The following CELF5 variants were observed in gnomAD, a reference collection of about 807,000 sequenced individuals.
CELF5 encodes the protein CUGBP Elav-like family member 5.
A neutral mutation model predicts 54.9 loss-of-function variants in CELF5; 6 were observed. That is an observed-to-expected ratio of 0.11 (90% CI 0.06 to 0.22). The LOEUF is 0.22. Among genes scored for constraint, CELF5 ranks in the 10% least tolerant of loss-of-function variants. The pLI is 1.00. For synonymous variants in CELF5, 271 were observed against 290.9 expected, an observed-to-expected ratio of 0.93 and a Z score of 0.70; for missense variants, 401 against 678.6, an observed-to-expected ratio of 0.59 and a Z score of 4.54.
chr19:3,268,613 G>A lies in CELF5; in HGVS notation c.343-5259G>A, dbSNP rs569948481. On this transcript the variant is annotated intron_variant, in intron 2 of 12. Coordinates refer to ENST00000292672, the MANE Select transcript of CELF5 (RefSeq NM_021938.4). The surrounding 1 kb of genome is among the most constrained non-coding windows in gnomAD (Gnocchi z 4.4). ...TGCTTTCCGAGGAGTCTACAAACCC[G>A]TGTATCATTTCCGCTGTCATTTGTG... Among the ~76,000 whole-genome samples the A allele has an allele frequency of 1.6e-4, 25 of 152,160 alleles. No homozygotes were observed. The South Asian group carries it at 4.0e-3, about 24-fold the overall frequency.
In CELF5 at chr19:3,228,280, G is replaced by A. The variant is rs972528720; in HGVS notation, c.259+3282G>A. 2.0e-5 allele frequency among the ~76,000 whole-genome samples: 3 copies of A among 152,088 alleles called. No individual in the cohort carries two copies. Among genetic ancestry groups the A allele is most frequent in the Non-Finnish European group, 4.4e-5 (3 of 68,022 alleles). ...ACAAGCCTGCTCCTGCCAGAACTCC[G>A]CATCCAGAGAGCGGGGACCTCCCCC... On this transcript the variant is annotated intron_variant, in intron 1 of 12. Transcript: ENST00000292672. The surrounding 1 kb of genome is among the most constrained non-coding windows in gnomAD (Gnocchi z 6.0).
chr19:3,272,511 A>G (rs1009352580), intron 2 of CELF5, among the ~76,000 whole-genome samples: 1 of 152,186 alleles, frequency 6.6e-6, no homozygotes, highest in Admixed American at 6.6e-5. Context: ...AATCTATTTC[A>G]AGTTTGTCTG....
rs144021487 is a variant in CELF5, at chr19:3,250,498, A to G, written c.260-487A>G. On this transcript the variant is annotated intron_variant, in intron 1 of 12. Transcript: ENST00000292672. ...AGCCAGACTCCGTCTCAAAATAAAT[A>G]AATAAAAATAAAAATTGCACAGCTC... Among the ~76,000 whole-genome samples the G allele has an allele frequency of 2.1e-3, 320 of 152,274 alleles. 1 individual carries two copies. The highest frequency in any genetic ancestry group is 0.02 in the Middle Eastern group (6 of 294).
At chr19:3,229,257 C>A (rs547182074) in intron 1 of CELF5, among the ~76,000 whole-genome samples, 1 of 152,220 alleles carries the variant, frequency 6.6e-6, no homozygotes, top group East Asian at 1.9e-4. Flanking sequence ...TTATTGAGAG[C>A]TTGCTGTGTA....
intron 12 of CELF5, chr19:3,296,449 AAAAAAAAG>A (rs1388740658): frequency 6.9e-6 from 1 of 145,368 alleles, no homozygotes; most frequent in Non-Finnish European, 1.5e-5. Context: ...AAAAAAAAAA[AAAAAAAAG>A]AAAAGAAAAA....
rs148806679 is a variant in CELF5 at position 3,263,389 on chromosome 19, G to A, written c.343-10483G>A. On this transcript the variant is annotated intron_variant, in intron 2 of 12. Coordinates refer to ENST00000292672, the MANE Select transcript of CELF5 (RefSeq NM_021938.4). ...AGGCTGATTAACATGGTGAAACTCC[G>A]TCTCTACTCAAAATACAAAAAATTA... Among the ~76,000 whole-genome samples, 1,400 of 151,378 alleles carry A rather than the reference G, an allele frequency of 9.2e-3. 5 individuals carry two copies. The highest frequency in any genetic ancestry group is 0.012 in the Non-Finnish European group (842 of 67,896).
At chr19:3,244,602 CAT>C (rs2079537146) in intron 1 of CELF5, among the ~76,000 whole-genome samples, 1 of 140,002 alleles carries the variant, frequency 7.1e-6, no homozygotes, top group African/African-American at 2.7e-5. Flanking sequence ...GTGTGGTGCA[CAT>C]GTGTCTTGTC....
intron 3 of CELF5, among the ~76,000 whole-genome samples, 196 bp downstream of exon 3, chr19:3,274,119 C>T (rs768079451): frequency 1.3e-5 from 2 of 151,914 alleles, no homozygotes; most frequent in African/African-American, 2.4e-5. Flanking sequence ...AAGCAGGTTC[C>T]AGAGAGCAGA....
At chr19:3,273,239 T>C (rs1431336326) in intron 2 of CELF5, among the ~76,000 whole-genome samples, 8 of 152,148 alleles carry the variant, frequency 5.3e-5, no homozygotes, top group Non-Finnish European at 2.9e-5. Flanking sequence ...TGTTGGGCTC[T>C]CCTGGGGTCG....
At chr19:3,280,841 G>T (rs892901313) in intron 5 of CELF5, among the ~76,000 whole-genome samples, 3 of 152,140 alleles carry the variant, frequency 2.0e-5, no homozygotes, top group African/African-American at 7.2e-5. Context: ...TTTCTCACCT[G>T]TTCTCAGGTG....
At chr19:3,284,675 TC>T in intron 8 of CELF5, 1 of 567,912 alleles carries the variant, frequency 1.8e-6, no homozygotes, top group South Asian at 2.1e-5. Flanking sequence ...CTCTCTGGAG[TC>T]CGAGAAACCC....
At chr19:3,235,679 TGTGTGG>T in intron 1 of CELF5, among the ~76,000 whole-genome samples, 1 of 116,150 alleles carries the variant, frequency 8.6e-6, no homozygotes, top group African/African-American at 3.5e-5. Flanking sequence ...GATGGATGGA[TGTGTGG>T]ATGGGTGGAT....
intron 1 of CELF5, among the ~76,000 whole-genome samples, chr19:3,235,754 ATGT>A (rs1917562383): frequency 1.2e-5 from 1 of 86,788 alleles, no homozygotes; most frequent in Non-Finnish European, 2.4e-5. Context: ...GGATGGATGG[ATGT>A]GTGGATGGGT....
At chr19:3,234,760 G>A (rs377416933) in intron 1 of CELF5, among the ~76,000 whole-genome samples, 9 of 152,070 alleles carry the variant, frequency 5.9e-5, no homozygotes, top group African/African-American at 2.2e-4. Flanking sequence ...AGCAGATTCT[G>A]ATGGCTCTGC....
chr19:3,243,957 T>A (rs1022412768), intron 1 of CELF5, among the ~76,000 whole-genome samples: 1 of 151,942 alleles, frequency 6.6e-6, no homozygotes, highest in African/African-American at 2.4e-5. Flanking sequence ...ACTAATTCCA[T>A]CTGCAATGAC....
At chr19:3,264,598 A>G (rs2079855277) in intron 2 of CELF5, among the ~76,000 whole-genome samples, 1 of 151,284 alleles carries the variant, frequency 6.6e-6, no homozygotes, top group Non-Finnish European at 1.5e-5. Context: ...TTGTATTTTT[A>G]GTAGAGATGG....
At chr19:3,284,804 C>A (rs2080207214) in intron 8 of CELF5, 98 bp from the exon 9 acceptor site, 2 of 1,016,372 alleles carry the variant, frequency 2.0e-6, no homozygotes, top group East Asian at 2.5e-5. Context: ...AGAAGCTGGG[C>A]GGGGTGTTTG....
chr19:3,269,754 T>A (rs974709495), intron 2 of CELF5, among the ~76,000 whole-genome samples: 1 of 152,092 alleles, frequency 6.6e-6, no homozygotes, highest in African/African-American at 2.4e-5. Context: ...TTAGGACACC[T>A]CTCCCTTCCC....
Position 3,263,820 on chromosome 19 carries a change from G to A in CELF5, c.343-10052G>A, listed in dbSNP as rs1296134844. 5.3e-5 allele frequency among the ~76,000 whole-genome samples: 8 copies of A among 151,748 alleles called. No individual in the cohort carries two copies. In the South Asian group the frequency reaches 6.2e-4, roughly 12 times the overall value. ...CTCAGGAGGCTGAAGAAGGAGAATC[G>A]CTTGAAACTGGGATATGGAGGCTGC... On this transcript the variant is annotated intron_variant, in intron 2 of 12. Coordinates refer to ENST00000292672, the MANE Select transcript of CELF5 (RefSeq NM_021938.4).
Sources: gnomAD v4.1 joint callset for allele counts (sites outside exome capture counted in the v4.1 genomes callset) on GRCh38, gnomAD v4.1.1 for gene constraint, Gnocchi (gnomAD v3.1) non-coding constraint, MANE v1.5 for transcripts, NCBI Gene and HGNC (gene_info 2026-07-23, HGNC 2026-07-21) for gene names.